PRDM16: variants seen among roughly 807,000 people sequenced by gnomAD.
The protein encoded by PRDM16 is PR/SET domain 16, also known as histone-lysine N-methyltransferase PRDM16.
A neutral mutation model predicts 110.6 loss-of-function variants in PRDM16; 23 were observed. The ratio of observed to expected loss-of-function variants is 0.21; its 90% CI spans 0.15 to 0.29. PRDM16 has a LOEUF of 0.29. Ranked by LOEUF, PRDM16 falls within the 10% of genes least tolerant of loss-of-function variation. The pLI is 1.00. For synonymous variants in PRDM16, 799 were observed against 781.8 expected (o/e 1.02, Z -0.37); for missense variants, 1,615 against 1,794.3 (o/e 0.90, Z 1.81).
chr1:3,204,488 G>A (rs904871572), intron 2 of PRDM16, among the ~76,000 whole-genome samples: 39 of 152,256 alleles, frequency 2.6e-4, no homozygotes, highest in African/African-American at 8.9e-4. Context: ...TGGAAGAGCA[G>A]AGGCCACCAG....
intron 1 of PRDM16, among the ~76,000 whole-genome samples, chr1:3,116,396 G>A (rs1340612876): frequency 2.0e-5 from 3 of 152,272 alleles, no homozygotes; most frequent in African/African-American, 7.2e-5. Flanking sequence ...CGGGTGGCCT[G>A]GAGACGTGGC....
rs554696524 is a variant in PRDM16, at chr1:3,275,343, C to A, written c.438+31206C>A. ...TCGGGAATGAAAAAGTGGGGGCACC[C>A]CGTCCCATAGACACAGGCCAACCCA... is the stretch of plus-strand genomic sequence containing the variant. On this transcript the variant is annotated intron_variant, in intron 3 of 16. Transcript: ENST00000270722. Among the ~76,000 whole-genome samples, 5 of 152,304 alleles carry A rather than the reference C, an allele frequency of 3.3e-5. No individual in the cohort carries two copies. The East Asian group carries it at 9.7e-4, about 29-fold the overall frequency.
intron 3 of PRDM16, among the ~76,000 whole-genome samples, chr1:3,251,967 G>A (rs1020175796): frequency 6.6e-5 from 10 of 152,248 alleles, no homozygotes; most frequent in African/African-American, 2.4e-4. Context: ...ACACAGCCAC[G>A]CCGCCTCCCT....
chr1:3,145,227 CG>C (rs1300338527), intron 1 of PRDM16, among the ~76,000 whole-genome samples: 1 of 152,190 alleles, frequency 6.6e-6, no homozygotes, highest in Non-Finnish European at 1.5e-5. Context: ...TATCTAGGAA[CG>C]TCCACGTGCA....
intron 2 of PRDM16, among the ~76,000 whole-genome samples, chr1:3,227,437 C>T (rs935998543): frequency 3.3e-5 from 5 of 152,272 alleles, no homozygotes; most frequent in African/African-American, 1.2e-4. Context: ...CCTCCGTCAA[C>T]TCAGCTGGAA....
chr1:3,417,677 C>G (rs1011855117), intron 10 of PRDM16, 151 bp from the exon 11 acceptor site: 2 of 721,082 alleles, frequency 2.8e-6, no homozygotes, highest in Admixed American at 2.5e-5. Context: ...AAATCCAACC[C>G]AGGGTCCAAG....
chr1:3,189,534 T>C (rs963860597), intron 2 of PRDM16, among the ~76,000 whole-genome samples: 1 of 152,272 alleles, frequency 6.6e-6, no homozygotes, highest in Admixed American at 6.5e-5. Context: ...ATTTCATATG[T>C]ATAATTGTTC....
At position 3,201,737 on chromosome 1, in the gene PRDM16, G is replaced by T. The variant is rs55994066; in HGVS notation, c.387+15263G>T. Among the ~76,000 whole-genome samples the T allele has an allele frequency of 0.091, 13,885 of 152,296 alleles. 1,442 individuals carry two copies. Among genetic ancestry groups the T allele is most frequent in the African/African-American group, 0.26 (10,606 of 41,564 alleles). Reference sequence around the variant, plus strand: ...ATGCTGGTGACACATTCTTCAGCTGGAGCCGAGTAGGGTCGTGTCTGCCCC... The same window carrying T: ...ATGCTGGTGACACATTCTTCAGCTGTAGCCGAGTAGGGTCGTGTCTGCCCC... On this transcript the variant is annotated intron_variant, in intron 2 of 16. Transcript: ENST00000270722. This position sits in a 1 kb window ranked among gnomAD's most constrained non-coding sequence, Gnocchi z 4.1.
At chr1:3,137,956 A>C (rs533708626) in intron 1 of PRDM16, among the ~76,000 whole-genome samples, 3 of 152,148 alleles carry the variant, frequency 2.0e-5, no homozygotes, top group Non-Finnish European at 4.4e-5. Flanking sequence ...TAGCTCTTGG[A>C]CTGTGGCTGG....
At chr1:3,311,970 CCAGCCAG>C (rs1252265413) in intron 3 of PRDM16, among the ~76,000 whole-genome samples, 1 of 152,192 alleles carries the variant, frequency 6.6e-6, no homozygotes, top group African/African-American at 2.4e-5. Context: ...CCAGCAGCAT[CCAGCCAG>C]GTGCTCAGGG....
intron 3 of PRDM16, among the ~76,000 whole-genome samples, chr1:3,280,299 G>A (rs139340975): frequency 2.6e-5 from 4 of 152,352 alleles, no homozygotes; most frequent in Non-Finnish European, 4.4e-5. Flanking sequence ...GTGTGTGCAC[G>A]TGTGTGTGCA....
At chr1:3,314,872 G>A (rs1232693851) in intron 3 of PRDM16, among the ~76,000 whole-genome samples, 1 of 152,164 alleles carries the variant, frequency 6.6e-6, no homozygotes, top group Non-Finnish European at 1.5e-5. Flanking sequence ...ATTCATCTTG[G>A]ATAGATTACA....
rs1372353426 is a variant in PRDM16 at position 3,412,681 on chromosome 1, T to C, written c.2484T>C (p.Tyr828=). The change falls in exon 9 of 17, where the codon TAT becomes TAC. Residue 828 remains tyrosine (Y), a synonymous_variant. Coordinates refer to ENST00000270722, the MANE Select transcript of PRDM16 (RefSeq NM_022114.4). ...GGGAGCCCCGCAAGAACCACGTCTA[T>C]GGGGAACGCAAGCTGGGCGCCGGCG... ...GGREPRKNHV[Y]GERKLGAGEG... 6.6e-7 allele frequency: 1 copy of C among 1,507,330 alleles called. No homozygotes were observed. The highest frequency in any genetic ancestry group is 8.9e-7 in the Non-Finnish European group (1 of 1,129,014). 93.4% of individuals were successfully genotyped at this position (1,507,330 alleles called of 1,614,324 possible).
At position 3,405,552 on chromosome 1, in the gene PRDM16, C is replaced by T. The variant is rs1419881652; in HGVS notation, c.1090C>T (p.Arg364Trp). 3 of 1,608,200 alleles carry T rather than the reference C, an allele frequency of 1.9e-6. No homozygotes were observed. Among genetic ancestry groups the T allele is most frequent in the African/African-American group, 2.7e-5 (2 of 74,700 alleles). ...RHIRSQHVGA[R>W]AHACPDCGKT... ...CATCCGCTCGCAGCACGTGGGCGCT[C>T]GGGCCCACGCCTGCCCCGACTGCGG... Residue 364 changes from arginine to tryptophan, a missense_variant, in exon 8 of 17, where the codon CGG becomes TGG. Arg to Trp is a moderately radical substitution (Grantham distance 101). Coordinates refer to ENST00000270722, the MANE Select transcript of PRDM16 (RefSeq NM_022114.4).
chr1:3,144,174 C>T (rs944847833), intron 1 of PRDM16, among the ~76,000 whole-genome samples: 14 of 152,236 alleles, frequency 9.2e-5, no homozygotes, highest in Non-Finnish European at 7.3e-5. Context: ...GCCCCAGCCA[C>T]CACTGCCCTG....
At chr1:3,351,704 C>G (rs1642496869) in intron 3 of PRDM16, among the ~76,000 whole-genome samples, 1 of 54,508 alleles carries the variant, frequency 1.8e-5, no homozygotes, top group East Asian at 5.2e-4. Context: ...TCTGTCTCTC[C>G]CTTCCTCTGT....
chr1:3,305,442 G>T (rs185864821), intron 3 of PRDM16, among the ~76,000 whole-genome samples: 3 of 152,158 alleles, frequency 2.0e-5, no homozygotes, highest in Non-Finnish European at 2.9e-5. Context: ...CCTAGGGCCC[G>T]ATCCATGGTT....
Position 3,433,933 on chromosome 1 carries a change from C to G in PRDM16, c.*122C>G, listed in dbSNP as rs1270383874. 9.3e-6 allele frequency: 9 copies of G among 971,404 alleles called. No homozygotes were observed. The highest frequency in any genetic ancestry group is 1.3e-5 in the Non-Finnish European group (9 of 667,614). The allele number at this position is 971,404 out of a possible 1,614,324, so 60.2% of individuals were successfully genotyped here. A position where few individuals can be genotyped will look rare whatever the true frequency, so the allele number is the denominator to read the frequency against. On this transcript the variant is annotated 3_prime_UTR_variant, in exon 17 of 17. Transcript: ENST00000270722. Reference sequence around the variant, plus strand: ...GCCACTCCTCAGCATCCTCCCCACCCACCATGGTTCATTCCGACTTTTCCA... The same window carrying G: ...GCCACTCCTCAGCATCCTCCCCACCGACCATGGTTCATTCCGACTTTTCCA...
At chr1:3,105,259 A>C (rs1570255723) in intron 1 of PRDM16, among the ~76,000 whole-genome samples, 1 of 152,140 alleles carries the variant, frequency 6.6e-6, no homozygotes, top group Non-Finnish European at 1.5e-5. Context: ...CCCTGGGCCC[A>C]AACTTGAGGG....
Sources: gnomAD v4.1 joint callset for allele counts (sites outside exome capture counted in the v4.1 genomes callset) on GRCh38, gnomAD v4.1.1 for gene constraint, Gnocchi (gnomAD v3.1) non-coding constraint, MANE v1.5 for transcripts, NCBI Gene and HGNC (gene_info 2026-07-23, HGNC 2026-07-21) for gene names.